CNTNAP2: variants seen among roughly 807,000 people sequenced by gnomAD.
CNTNAP2 encodes the protein contactin associated protein 2, also known as contactin-associated protein-like 2.
Under a neutral mutation model 155.2 loss-of-function variants are expected in CNTNAP2, and 98 were observed. The observed-to-expected ratio is 0.63, with a 90% CI of 0.54 to 0.75. The LOEUF is 0.75. CNTNAP2 is among the 30% of genes least tolerant of loss of function. The pLI is 0.00. For synonymous variants in CNTNAP2, 651 were observed against 631.2 expected (o/e 1.03, Z -0.47); for missense variants, 1,727 against 1,688.1 (o/e 1.02, Z -0.40).
chr7:147,295,813 A>C (rs945763679), intron 8 of CNTNAP2, among the ~76,000 whole-genome samples: 1 of 152,160 alleles, frequency 6.6e-6, no homozygotes, highest in Non-Finnish European at 1.5e-5. Flanking sequence ...TTAACATTAA[A>C]ATTTCAAAAT....
intron 4 of CNTNAP2, among the ~76,000 whole-genome samples, chr7:147,106,528 T>C (rs1800769605): frequency 6.6e-6 from 1 of 152,122 alleles, no homozygotes; most frequent in Non-Finnish European, 1.5e-5. Flanking sequence ...AGTCTTTTTA[T>C]GGGCAATAAA....
chr7:147,122,278 G>A (rs1003189519), intron 6 of CNTNAP2: 1 of 152,102 alleles, frequency 6.6e-6, no homozygotes, highest in Non-Finnish European at 1.5e-5. Context: ...AAGATAAAAG[G>A]GACACAATGC....
intron 4 of CNTNAP2, among the ~76,000 whole-genome samples, chr7:147,051,518 C>T (rs1799473382): frequency 6.6e-6 from 1 of 151,916 alleles, no homozygotes; most frequent in Non-Finnish European, 1.5e-5. Context: ...CAAGCCTCGC[C>T]TATGTTGATT....
intron 1 of CNTNAP2, among the ~76,000 whole-genome samples, chr7:146,731,611 T>C (rs1801527050): frequency 6.6e-6 from 1 of 152,092 alleles, no homozygotes; most frequent in Non-Finnish European, 1.5e-5. Context: ...CAATATCAGA[T>C]TGGCAGCCTG....
At chr7:146,882,739 T>A (rs1795578342) in intron 3 of CNTNAP2, among the ~76,000 whole-genome samples, 1 of 152,160 alleles carries the variant, frequency 6.6e-6, no homozygotes, top group African/African-American at 2.4e-5. Flanking sequence ...CAGCTCCTAG[T>A]GCTGTACAAA....
intron 1 of CNTNAP2, among the ~76,000 whole-genome samples, chr7:146,498,717 T>C (rs1464736447): frequency 6.6e-6 from 1 of 152,050 alleles, no homozygotes; most frequent in East Asian, 1.9e-4. Context: ...CAGAGTTCAT[T>C]TAGATAAAGG....
At chr7:146,969,865 T>A (rs1797744943) in intron 3 of CNTNAP2, among the ~76,000 whole-genome samples, 1 of 152,050 alleles carries the variant, frequency 6.6e-6, no homozygotes, top group East Asian at 1.9e-4. Flanking sequence ...AACAGAGATA[T>A]AGATCAATGG....
chr7:147,311,567 C>G (rs1224585327), intron 9 of CNTNAP2, among the ~76,000 whole-genome samples: 1 of 152,134 alleles, frequency 6.6e-6, no homozygotes, highest in African/African-American at 2.4e-5. Flanking sequence ...ACTCTGACCT[C>G]AGGTAGGAAG....
chr7:147,299,359 G>A (rs1226511887), intron 8 of CNTNAP2, among the ~76,000 whole-genome samples: 1 of 151,314 alleles, frequency 6.6e-6, no homozygotes, highest in African/African-American at 2.4e-5. Context: ...TCTAATTTTT[G>A]TTTCCAAAGA....
chr7:146,243,112 TC>T (rs1055858033), intron 1 of CNTNAP2, among the ~76,000 whole-genome samples: 44 of 152,184 alleles, frequency 2.9e-4, no homozygotes, highest in Admixed American at 2.6e-3. Context: ...CTAGTTTTTT[TC>T]CATTTCATTA....
intron 9 of CNTNAP2, among the ~76,000 whole-genome samples, chr7:147,305,614 A>G (rs962779873): frequency 9.2e-5 from 14 of 152,216 alleles, no homozygotes; most frequent in African/African-American, 3.4e-4. Context: ...TCTCCCAAAA[A>G]GAAAAATAAT....
At chr7:146,978,173 A>C (rs1797949314) in intron 3 of CNTNAP2, among the ~76,000 whole-genome samples, 1 of 152,188 alleles carries the variant, frequency 6.6e-6, no homozygotes, top group Non-Finnish European at 1.5e-5. Context: ...ATTCTTTAAA[A>C]ATTTGAGATA....
intron 13 of CNTNAP2, among the ~76,000 whole-genome samples, chr7:147,782,915 A>G (rs1449120734): frequency 6.6e-6 from 1 of 152,230 alleles, no homozygotes; most frequent in Admixed American, 6.5e-5. Context: ...GTTGGGAAAT[A>G]ATACTGCAGT....
chr7:147,792,486 A>G (rs920764532), intron 13 of CNTNAP2, among the ~76,000 whole-genome samples: 10 of 151,352 alleles, frequency 6.6e-5, no homozygotes, highest in African/African-American at 2.2e-4. Flanking sequence ...TTTGAAGTCA[A>G]TCCACGTTGT....
At chr7:148,052,686 T>C (rs1166275348) in intron 15 of CNTNAP2, among the ~76,000 whole-genome samples, 1 of 152,230 alleles carries the variant, frequency 6.6e-6, no homozygotes, top group African/African-American at 2.4e-5. Flanking sequence ...CAATGATATC[T>C]GTCACCCAGA....
At chr7:147,650,381 A>G (rs1795431602) in intron 13 of CNTNAP2, among the ~76,000 whole-genome samples, 1 of 152,158 alleles carries the variant, frequency 6.6e-6, no homozygotes, top group Non-Finnish European at 1.5e-5. Flanking sequence ...CTTCAACAAC[A>G]TGAGTTTAAA....
chr7:147,198,922 G>A, intron 8 of CNTNAP2, among the ~76,000 whole-genome samples: 1 of 150,846 alleles, frequency 6.6e-6, no homozygotes, highest in Admixed American at 6.6e-5. Context: ...GCAATGGCCT[G>A]GAATATTGCC....
chr7:147,124,265 A>G (rs1367156232), intron 6 of CNTNAP2, among the ~76,000 whole-genome samples: 2 of 152,346 alleles, frequency 1.3e-5, no homozygotes, highest in East Asian at 3.9e-4. Flanking sequence ...TCGTCTTGTT[A>G]TCTTCACAAA....
At chr7:146,716,570 C>T (rs1801192603) in intron 1 of CNTNAP2, among the ~76,000 whole-genome samples, 1 of 152,150 alleles carries the variant, frequency 6.6e-6, no homozygotes, top group Non-Finnish European at 1.5e-5. Context: ...CCTTTGTACC[C>T]ATCTATGTTT....
Sources: gnomAD v4.1 joint callset for allele counts (sites outside exome capture counted in the v4.1 genomes callset) on GRCh38, gnomAD v4.1.1 for gene constraint, MANE v1.5 for transcripts, NCBI Gene and HGNC (gene_info 2026-07-23, HGNC 2026-07-21) for gene names.